The following MCC variants were observed in gnomAD, a reference collection of about 807,000 sequenced individuals.
The protein encoded by MCC is colorectal mutant cancer protein.
A neutral mutation model predicts 116.2 loss-of-function variants in MCC; 90 were observed. The ratio of observed to expected loss-of-function variants is 0.77; its 90% CI spans 0.65 to 0.92. The LOEUF is 0.92. MCC is among the 40% of genes least tolerant of loss of function. The pLI is 0.00. For missense variants in MCC, 1,516 were observed against 1,312.2 expected, an observed-to-expected ratio of 1.16 and a Z score of -2.40; for synonymous variants, 578 against 510.5, an observed-to-expected ratio of 1.13 and a Z score of -1.78.
intron 3 of MCC, among the ~76,000 whole-genome samples, chr5:113,187,352 G>C (rs770917194): frequency 6.6e-6 from 1 of 152,000 alleles, no homozygotes; most frequent in Non-Finnish European, 1.5e-5. Context: ...CAAGCAATCC[G>C]CCTGCCTCGG....
intron 6 of MCC, among the ~76,000 whole-genome samples, chr5:113,121,256 T>C (rs1472634030): frequency 6.6e-6 from 1 of 152,226 alleles, no homozygotes; most frequent in Non-Finnish European, 1.5e-5. Context: ...ACTACAGTGA[T>C]TGATTCAAAA....
chr5:113,137,226 T>A (rs1440372976), intron 5 of MCC, among the ~76,000 whole-genome samples: 1 of 152,122 alleles, frequency 6.6e-6, no homozygotes, highest in Admixed American at 6.5e-5. Context: ...GTCAACCACA[T>A]AGAAAACCAT....
At chr5:113,266,704 C>G (rs773115025) in intron 3 of MCC, among the ~76,000 whole-genome samples, 15 of 152,072 alleles carry the variant, frequency 9.9e-5, no homozygotes, top group Non-Finnish European at 1.8e-4. Context: ...TTAAAGGCAC[C>G]TCAGCACTTA....
At chr5:113,387,920 G>T (rs1769308189) in intron 1 of MCC, among the ~76,000 whole-genome samples, 1 of 152,154 alleles carries the variant, frequency 6.6e-6, no homozygotes, top group African/African-American at 2.4e-5. Context: ...CTTTAAAAAT[G>T]AATTGTGATC....
chr5:113,257,229 C>T (rs946526765), intron 3 of MCC, among the ~76,000 whole-genome samples: 2 of 152,168 alleles, frequency 1.3e-5, no homozygotes, highest in African/African-American at 4.8e-5. Flanking sequence ...CATCCTGGCC[C>T]AGTCTGGTGT....
intron 1 of MCC, among the ~76,000 whole-genome samples, chr5:113,464,778 C>T (rs1771849186): frequency 8.0e-6 from 1 of 125,430 alleles, no homozygotes. Context: ...TTAATATATA[C>T]TATCAAATAG....
chr5:113,198,927 G>A (rs986188945), intron 3 of MCC, among the ~76,000 whole-genome samples: 14 of 152,160 alleles, frequency 9.2e-5, no homozygotes, highest in African/African-American at 3.4e-4. Context: ...TAGGCCAGGG[G>A]CAGTGGCTCA....
chr5:113,358,699 A>T (rs1266001512), intron 2 of MCC, among the ~76,000 whole-genome samples: 1 of 152,188 alleles, frequency 6.6e-6, no homozygotes, highest in African/African-American at 2.4e-5. Flanking sequence ...TGCCACAAGA[A>T]GCATGGGATA....
intron 3 of MCC, among the ~76,000 whole-genome samples, chr5:113,252,724 G>A (rs1247594090): frequency 6.6e-6 from 1 of 152,086 alleles, no homozygotes; most frequent in East Asian, 1.9e-4. Context: ...CTGGTCCCTG[G>A]TGCCAAAAGA....
At chr5:113,366,550 T>C (rs1384176426) in intron 2 of MCC, among the ~76,000 whole-genome samples, 1 of 152,164 alleles carries the variant, frequency 6.6e-6, no homozygotes, top group Middle Eastern at 3.2e-3. Flanking sequence ...GGCTTCTAGA[T>C]TTTTTAAAAA....
At chr5:113,319,112 C>G (rs1025786454) in intron 3 of MCC, among the ~76,000 whole-genome samples, 1 of 152,204 alleles carries the variant, frequency 6.6e-6, no homozygotes, top group Non-Finnish European at 1.5e-5. Context: ...AAGCAATTCA[C>G]CCACCTCAGC....
intron 6 of MCC, among the ~76,000 whole-genome samples, chr5:113,106,014 G>A (rs1756709365): frequency 6.6e-6 from 1 of 152,174 alleles, no homozygotes; most frequent in Non-Finnish European, 1.5e-5. Context: ...GGTTGGGCTT[G>A]CACAATGGCA....
chr5:113,482,746 A>ATTTT (rs1235581151), intron 1 of MCC, among the ~76,000 whole-genome samples: 2 of 152,156 alleles, frequency 1.3e-5, no homozygotes, highest in African/African-American at 4.8e-5. Flanking sequence ...ATAAACTTAA[A>ATTTT]AAATTTGCGG....
At chr5:113,186,426 A>G (rs1431359941) in intron 3 of MCC, among the ~76,000 whole-genome samples, 3 of 152,198 alleles carry the variant, frequency 2.0e-5, no homozygotes, top group Non-Finnish European at 4.4e-5. Context: ...CGCAGCAGCC[A>G]TGGCGACAAT....
intron 3 of MCC, among the ~76,000 whole-genome samples, chr5:113,278,566 T>G (rs899035526): frequency 6.6e-6 from 1 of 152,180 alleles, no homozygotes; most frequent in Admixed American, 6.5e-5. Context: ...TCCTATATGA[T>G]GAGCAGGAGG....
Position 113,119,463 on chromosome 5 carries a change from G to C in MCC, c.1027+3221C>G, listed in dbSNP as rs1341460564. Among the ~76,000 whole-genome samples, 3 of 152,318 alleles carry C rather than the reference G, an allele frequency of 2.0e-5. No homozygotes were observed. In the East Asian group the frequency reaches 5.8e-4, roughly 29 times the overall value. On this transcript the variant is annotated intron_variant, in intron 6 of 18. Coordinates refer to ENST00000408903, the MANE Select transcript of MCC (RefSeq NM_001085377.2). ...CACAGAGCCCCGGGCAGGAGAAGCA[G>C]CTCAGGCTGGAGGAACAGCAAGCCA...
At chr5:113,398,200 C>A (rs143190222) in intron 1 of MCC, among the ~76,000 whole-genome samples, 1 of 152,222 alleles carries the variant, frequency 6.6e-6, no homozygotes, top group African/African-American at 2.4e-5. Flanking sequence ...GTCAGTGAGG[C>A]TGTGGAGAAA....
intron 3 of MCC, among the ~76,000 whole-genome samples, chr5:113,250,522 G>C (rs1764756032): frequency 6.6e-6 from 1 of 151,954 alleles, no homozygotes; most frequent in African/African-American, 2.4e-5. Flanking sequence ...TTCCTTCACA[G>C]AGACATGTGC....
chr5:113,364,565 C>T (rs1333682435), intron 2 of MCC, among the ~76,000 whole-genome samples: 1 of 152,244 alleles, frequency 6.6e-6, no homozygotes, highest in Non-Finnish European at 1.5e-5. Flanking sequence ...CCTCTTCTCC[C>T]AGCTCCACTA....
Sources: allele counts gnomAD v4.1 joint callset (sites outside exome capture counted in the v4.1 genomes callset), GRCh38; gene constraint gnomAD v4.1.1; transcripts MANE v1.5; gene names NCBI Gene and HGNC (gene_info 2026-07-23, HGNC 2026-07-21).